Variants in PON2 observed in about 807,000 individuals in gnomAD.
PON2 encodes serum paraoxonase/arylesterase 2.
Under a neutral mutation model 36.6 loss-of-function variants are expected in PON2, and 27 were observed. That is an observed-to-expected ratio of 0.74 (90% CI 0.54 to 1.02). The LOEUF is 1.02. Ranked by LOEUF, PON2 falls within the 50% of genes least tolerant of loss-of-function variation. The pLI is 0.00. For missense variants in PON2, 363 were observed against 421.1 expected (o/e 0.86, Z 1.21); for synonymous variants, 149 against 156.3 (o/e 0.95, Z 0.35).
chr7:95,428,203 T>A (rs1163219282), intron 1 of PON2, among the ~76,000 whole-genome samples: 2 of 152,236 alleles, frequency 1.3e-5, no homozygotes, highest in Non-Finnish European at 2.9e-5. Flanking sequence ...TTTAGGTTCC[T>A]TTTGTTTTCC....
chr7:95,411,909 T>C, intron 4 of PON2, 130 bp from the exon 5 acceptor site: 1 of 938,666 alleles, frequency 1.1e-6, no homozygotes, highest in South Asian at 1.5e-5. Flanking sequence ...TAACAGATCA[T>C]TCTCTGTCTT....
intron 2 of PON2, among the ~76,000 whole-genome samples, chr7:95,417,682 T>TACACACAG (rs1789096083): frequency 9.8e-6 from 1 of 101,988 alleles, no homozygotes; most frequent in Admixed American, 9.2e-5. Flanking sequence ...CATACACATG[T>TACACACAG]ACACACAGAC....
chr7:95,411,733 ATTC>A lies in PON2; in HGVS notation c.411_413del (p.Lys137del). 6.2e-7 allele frequency: 1 copy of A among 1,613,570 alleles called. No homozygotes were observed. The highest frequency in any genetic ancestry group is 8.5e-7 in the Non-Finnish European group (1 of 1,179,568). On this transcript the variant is annotated inframe_deletion, in exon 5 of 9. Transcript: ENST00000222572. ...CTTCAAATTTAAAAATTTCCACTGT[ATTC>A]TTGAATTCTGGGTGGTTTACAACAA...
chr7:95,425,155 T>C (rs1187719859), intron 1 of PON2, among the ~76,000 whole-genome samples: 31 of 152,136 alleles, frequency 2.0e-4, no homozygotes, highest in Non-Finnish European at 1.5e-5. Context: ...TTTCAATAGC[T>C]TTTGGGGGTA....
rs11413689 is a variant in PON2, at chr7:95,430,899, T to TAA, written c.74+3977_74+3978dup. On this transcript the variant is annotated intron_variant, in intron 1 of 8. Coordinates refer to ENST00000222572, the MANE Select transcript of PON2 (RefSeq NM_000305.3). ...ATAAATGATTTAAAGGATGGTGGTTTAAAAAAAAAAAAAAGGGAAAAAGGC... is the reference window on the plus strand; with the variant it reads ...ATAAATGATTTAAAGGATGGTGGTTTAAAAAAAAAAAAAAAAGGGAAAAAGGC... Among the ~76,000 whole-genome samples the TAA allele has an allele frequency of 9.0e-3, 1,301 of 143,816 alleles. 22 individuals are homozygous for TAA. The highest frequency in any genetic ancestry group is 0.027 in the African/African-American group (1,050 of 39,132). The allele number at this position is 143,816 out of a possible 152,430, so 94.3% of individuals were successfully genotyped here.
chr7:95,420,791 T>C (rs1387135548), intron 2 of PON2, among the ~76,000 whole-genome samples: 2 of 152,208 alleles, frequency 1.3e-5, no homozygotes, highest in African/African-American at 4.8e-5. Context: ...CAGCCCTCTC[T>C]ATCATAAAAA....
intron 4 of PON2, 113 bp from the exon 5 acceptor site, chr7:95,411,892 G>C: frequency 1.8e-6 from 2 of 1,125,390 alleles, no homozygotes; most frequent in South Asian, 2.6e-5. Context: ...TAAGCTGTTA[G>C]ACGACCTAAC....
At chr7:95,412,248 A>G in intron 4 of PON2, 64 bp downstream of exon 4, 2 of 1,578,680 alleles carry the variant, frequency 1.3e-6, no homozygotes, top group African/African-American at 1.3e-5. Flanking sequence ...ATCCAAATCT[A>G]TTTTTCACAG....
intron 6 of PON2, among the ~76,000 whole-genome samples, chr7:95,408,038 T>G (rs1809751019): frequency 6.6e-6 from 1 of 152,204 alleles, no homozygotes; most frequent in Non-Finnish European, 1.5e-5. Flanking sequence ...GGAGGTGGCC[T>G]GTTAAACAAA....
intron 3 of PON2, among the ~76,000 whole-genome samples, chr7:95,415,688 C>A (rs1789045016): frequency 6.6e-6 from 1 of 152,120 alleles, no homozygotes; most frequent in Non-Finnish European, 1.5e-5. Flanking sequence ...CGTGGTGGCT[C>A]ACTCCCGTAA....
intron 1 of PON2, among the ~76,000 whole-genome samples, chr7:95,429,319 T>C (rs1789386856): frequency 6.6e-6 from 1 of 152,122 alleles, no homozygotes; most frequent in Non-Finnish European, 1.5e-5. Context: ...TTGCTAAGAA[T>C]GACGGTTTCC....
intron 2 of PON2, among the ~76,000 whole-genome samples, chr7:95,423,350 TAAA>T (rs1240134992): frequency 6.6e-6 from 1 of 150,754 alleles, no homozygotes; most frequent in Non-Finnish European, 1.5e-5. Context: ...AATTAAAATT[TAAA>T]AAAAAGGAAA....
chr7:95,411,439 T>C (rs1352137545), intron 5 of PON2, among the ~76,000 whole-genome samples: 1 of 152,176 alleles, frequency 6.6e-6, no homozygotes, highest in Non-Finnish European at 1.5e-5. Context: ...CAGTGAATAG[T>C]ATGAGTGACA....
rs1295866190 is a variant in PON2 at position 95,405,279 on chromosome 7, T to C, written c.*51A>G. On this transcript the variant is annotated 3_prime_UTR_variant, in exon 9 of 9. Coordinates refer to ENST00000222572, the MANE Select transcript of PON2 (RefSeq NM_000305.3). Reference sequence around the variant, plus strand: ...GTTAAATTCCCTCAGAATTAGCAATTCATAGAAAATTAATTGTTAAGTTAT... The same window carrying C: ...GTTAAATTCCCTCAGAATTAGCAATCCATAGAAAATTAATTGTTAAGTTAT... 3 of 1,577,800 alleles carry C rather than the reference T, an allele frequency of 1.9e-6. No individual in the cohort carries two copies. The highest frequency in any genetic ancestry group is 2.6e-6 in the Non-Finnish European group (3 of 1,148,602).
intron 1 of PON2, among the ~76,000 whole-genome samples, chr7:95,434,658 G>C (rs551545406): frequency 1.3e-5 from 2 of 152,164 alleles, no homozygotes; most frequent in African/African-American, 4.8e-5. Context: ...AAAGTGTCGC[G>C]ATTCACTCCA....
chr7:95,419,663 A>G (rs1316390079), intron 2 of PON2, among the ~76,000 whole-genome samples: 1 of 152,152 alleles, frequency 6.6e-6, no homozygotes, highest in Non-Finnish European at 1.5e-5. Flanking sequence ...TTGGGTCAAT[A>G]GGATGTGAGA....
intron 4 of PON2, 113 bp from the exon 5 acceptor site, chr7:95,411,892 G>T: frequency 8.9e-7 from 1 of 1,125,390 alleles, no homozygotes; most frequent in South Asian, 1.3e-5. Flanking sequence ...TAAGCTGTTA[G>T]ACGACCTAAC....
intron 3 of PON2, 197 bp from the exon 4 acceptor site, chr7:95,412,674 G>A (rs913656675): frequency 1.6e-6 from 1 of 607,186 alleles, no homozygotes; most frequent in African/African-American, 1.9e-5. Flanking sequence ...GAAAATAACT[G>A]AAAAGAAGAT....
intron 5 of PON2, 51 bp from the exon 6 acceptor site, chr7:95,410,152 CATATTAA>C (rs1485419163): frequency 7.0e-7 from 1 of 1,422,078 alleles, no homozygotes; most frequent in Non-Finnish European, 9.8e-7. Flanking sequence ...TGTTGGTCTC[CATATTAA>C]ATATTAAGTA....
Sources: gnomAD v4.1 joint callset for allele counts (sites outside exome capture counted in the v4.1 genomes callset) on GRCh38, gnomAD v4.1.1 for gene constraint, MANE v1.5 for transcripts, NCBI Gene and HGNC (gene_info 2026-07-23, HGNC 2026-07-21) for gene names.